Variants in MON1A observed in about 807,000 individuals in gnomAD.
MON1A encodes the protein MON1 vesicular trafficking associated A.
A neutral mutation model predicts 44.6 loss-of-function variants in MON1A; 29 were observed. The observed-to-expected ratio is 0.65, with a 90% CI of 0.48 to 0.89. The LOEUF (loss-of-function observed/expected upper bound fraction) is 0.89. Ranked by LOEUF, MON1A falls within the 40% of genes least tolerant of loss-of-function variation. The probability of loss-of-function intolerance (pLI) is 0.00; values close to 1 mark genes in which losing one functional copy is unlikely to be tolerated. For missense variants in MON1A, 615 were observed against 759.6 expected, an observed-to-expected ratio of 0.81 and a Z score of 2.24; for synonymous variants, 275 against 316.4, an observed-to-expected ratio of 0.87 and a Z score of 1.39.
chr3:49,910,930 C>T lies in MON1A; in HGVS notation c.614-46G>A, dbSNP rs575363298. Reference sequence around the variant, plus strand: ...AAGGATGTCAGCCTCAGCGGCAGCTCCCTCCGAAAACCGCCTTCCAGCGCA... The same window carrying T: ...AAGGATGTCAGCCTCAGCGGCAGCTTCCTCCGAAAACCGCCTTCCAGCGCA... On this transcript the variant is annotated intron_variant, in intron 3 of 5. Coordinates refer to ENST00000296473, the MANE Select transcript of MON1A (RefSeq NM_032355.4). The surrounding 1 kb of genome is among the most constrained non-coding windows in gnomAD (Gnocchi z 8.0). The T allele has an allele frequency of 6.5e-7, 1 of 1,541,490 alleles. No homozygotes were observed. Among genetic ancestry groups the T allele is most frequent in the African/African-American group, 1.4e-5 (1 of 72,860 alleles).
rs561625563 is a variant in MON1A at position 49,920,302 on chromosome 3, C to G, written c.-13-6943G>C. Among the ~76,000 whole-genome samples the G allele has an allele frequency of 4.6e-5, 7 of 152,328 alleles. 1 individual carries two copies. The South Asian group carries it at 1.4e-3, about 32-fold the overall frequency. ...CTTCTGACCTCATGGACTACTCCTT[C>G]TGAGTCCTTTTTGCAGTTCTTACTG... On this transcript the variant is annotated intron_variant, in intron 1 of 5. Coordinates refer to ENST00000296473, the MANE Select transcript of MON1A (RefSeq NM_032355.4).
chr3:49,917,309 G>A (rs1385600227), intron 1 of MON1A, among the ~76,000 whole-genome samples: 1 of 151,192 alleles, frequency 6.6e-6, no homozygotes, highest in Non-Finnish European at 1.5e-5. Context: ...TCTTTGAGAC[G>A]GAGTCTGGCT....
At chr3:49,926,261 AC>A (rs1385794044) in intron 1 of MON1A, among the ~76,000 whole-genome samples, 1 of 151,788 alleles carries the variant, frequency 6.6e-6, no homozygotes, top group East Asian at 1.9e-4. Context: ...TTCCCCCTGC[AC>A]CCCACTTCAC....
intron 1 of MON1A, among the ~76,000 whole-genome samples, chr3:49,919,317 A>G (rs894064260): frequency 2.6e-5 from 4 of 152,204 alleles, no homozygotes; most frequent in African/African-American, 9.6e-5. Context: ...CCTTAACTCT[A>G]CATTCCCCAC....
At chr3:49,926,341 C>T (rs2083051063) in intron 1 of MON1A, among the ~76,000 whole-genome samples, 2 of 152,340 alleles carry the variant, frequency 1.3e-5, no homozygotes, top group Admixed American at 1.3e-4. Flanking sequence ...GCTGCTCAAG[C>T]ATTACCTTAT....
chr3:49,926,623 A>AT (rs1356836041), intron 1 of MON1A, among the ~76,000 whole-genome samples: 9 of 151,862 alleles, frequency 5.9e-5, no homozygotes, highest in Admixed American at 5.9e-4. Context: ...CGCCTGGCTA[A>AT]TTTTTTAATT....
In MON1A at chr3:49,911,248, T is replaced by TTTGTTG. The variant is rs145310828; in HGVS notation, c.613+272_613+277dup. 3.5e-4 allele frequency among the ~76,000 whole-genome samples: 18 copies of TTTGTTG among 52,070 alleles called. No individual in the cohort carries two copies. The highest frequency in any genetic ancestry group is 1.5e-3 in the African/African-American group (18 of 12,248). The allele number at this position is 52,070 out of a possible 152,430, so 34.2% of individuals were successfully genotyped here. A position where few individuals can be genotyped will look rare whatever the true frequency, so the allele number is the denominator to read the frequency against. On this transcript the variant is annotated intron_variant, in intron 3 of 5. Coordinates refer to ENST00000296473, the MANE Select transcript of MON1A (RefSeq NM_032355.4). The surrounding 1 kb of genome is among the most constrained non-coding windows in gnomAD (Gnocchi z 5.7). ...TAGATAGATAGATAGATAGATAGAG[T>TTTGTTG]TTGTTGTTGTTGTTGTTGTTGCCTC...
chr3:49,925,432 G>T (rs2083044670), intron 1 of MON1A, among the ~76,000 whole-genome samples: 5 of 152,188 alleles, frequency 3.3e-5, no homozygotes, highest in Admixed American at 3.3e-4. Context: ...TGTTTATACA[G>T]AAAATATGTA....
At chr3:49,913,816 T>A (rs1173285063) in intron 1 of MON1A, among the ~76,000 whole-genome samples, 1 of 151,398 alleles carries the variant, frequency 6.6e-6, no homozygotes, top group East Asian at 1.9e-4. Flanking sequence ...GTGGGCACCA[T>A]CATGCCTGGC....
chr3:49,929,403 A>T, intron 1 of MON1A: 2 of 645,712 alleles, frequency 3.1e-6, no homozygotes, highest in Non-Finnish European at 5.3e-6. Context: ...TCGCCCTCCC[A>T]GCCAAAGGAT....
chr3:49,922,229 C>T (rs1251991336), intron 1 of MON1A, among the ~76,000 whole-genome samples: 1 of 151,826 alleles, frequency 6.6e-6, no homozygotes, highest in Non-Finnish European at 1.5e-5. Context: ...GGGCAGATCA[C>T]AAGGTCAGGA....
intron 1 of MON1A, among the ~76,000 whole-genome samples, chr3:49,921,123 T>C (rs1475893798): frequency 6.6e-6 from 1 of 151,248 alleles, no homozygotes; most frequent in African/African-American, 2.4e-5. Flanking sequence ...GCCACTGCAC[T>C]CCAGCCTCGG....
At chr3:49,918,208 G>A (rs988997828) in intron 1 of MON1A, among the ~76,000 whole-genome samples, 2 of 151,758 alleles carry the variant, frequency 1.3e-5, no homozygotes, top group Non-Finnish European at 2.9e-5. Context: ...GTGGTGGCAC[G>A]TGCTTGTAAT....
intron 1 of MON1A, among the ~76,000 whole-genome samples, chr3:49,925,243 T>C (rs1471959039): frequency 6.6e-6 from 1 of 151,980 alleles, no homozygotes; most frequent in East Asian, 1.9e-4. Flanking sequence ...GCCTCCCAAG[T>C]AGCTGGGACC....
chr3:49,923,125 A>G (rs540645108), intron 1 of MON1A, among the ~76,000 whole-genome samples: 3 of 151,862 alleles, frequency 2.0e-5, no homozygotes, highest in African/African-American at 7.2e-5. Context: ...GCAGATCATG[A>G]GGTCAGGCGA....
In MON1A at chr3:49,928,204, C is replaced by T. The variant is rs375577310; in HGVS notation, c.-14+1405G>A. 1.8e-3 allele frequency among the ~76,000 whole-genome samples: 275 copies of T among 152,300 alleles called. 10 individuals are homozygous for T. The South Asian group carries it at 0.053, about 29-fold the overall frequency. On this transcript the variant is annotated intron_variant, in intron 1 of 5. Transcript: ENST00000296473. ...TGCCACCTGAGATCATACAGTATCT[C>T]AGCATCTCCTAGGTCAGTCTGGGGT...
chr3:49,929,130 G>A (rs535457822), intron 1 of MON1A, among the ~76,000 whole-genome samples: 10 of 152,346 alleles, frequency 6.6e-5, no homozygotes, highest in Admixed American at 2.6e-4. Flanking sequence ...GCTGAGGCAG[G>A]AGAATCGCTT....
At chr3:49,914,967 C>T (rs1292232104) in intron 1 of MON1A, among the ~76,000 whole-genome samples, 2 of 152,206 alleles carry the variant, frequency 1.3e-5, no homozygotes, top group Non-Finnish European at 2.9e-5. Flanking sequence ...AGGCATGAGC[C>T]ACCATGCCCA....
chr3:49,912,897 G>A, intron 2 of MON1A: 3 of 440,328 alleles, frequency 6.8e-6, no homozygotes, highest in South Asian at 4.1e-5. Flanking sequence ...AATAATTAGT[G>A]TGCTATACAG....
Sources: gnomAD v4.1 joint callset for allele counts (sites outside exome capture counted in the v4.1 genomes callset) on GRCh38, gnomAD v4.1.1 for gene constraint, Gnocchi (gnomAD v3.1) non-coding constraint, MANE v1.5 for transcripts, NCBI Gene and HGNC (gene_info 2026-07-23, HGNC 2026-07-21) for gene names.